Variants in DLGAP3 observed in about 807,000 individuals in gnomAD.
DLGAP3 encodes disks large-associated protein 3.
In DLGAP3, 17 loss-of-function variants were observed where a neutral mutation model predicts 81.2. The observed-to-expected ratio is 0.21, with a 90% CI of 0.14 to 0.31. The LOEUF is 0.31. Among genes scored for constraint, DLGAP3 ranks in the 10% least tolerant of loss-of-function variants. DLGAP3 has a pLI of 1.00. For synonymous variants in DLGAP3, 577 were observed against 587.4 expected, an observed-to-expected ratio of 0.98 and a Z score of 0.26; for missense variants, 1,124 against 1,388.0, an observed-to-expected ratio of 0.81 and a Z score of 3.02.
At chr1:34,909,149 G>C (rs1253397076) in intron 1 of DLGAP3, among the ~76,000 whole-genome samples, 3 of 152,182 alleles carry the variant, frequency 2.0e-5, no homozygotes, top group Non-Finnish European at 4.4e-5. Flanking sequence ...ACTTCCCAGG[G>C]GTGGACATTC....
In DLGAP3 at chr1:34,869,034, C is replaced by G; in HGVS notation, c.2056G>C (p.Glu686Gln). Residue 686 changes from glutamate (E) to glutamine (Q), a missense_variant, in exon 9 of 12, where the codon GAG becomes CAG. Glu to Gln is a conservative substitution (Grantham distance 29, BLOSUM62 2). This residue lies in a region of DLGAP3 where 379 missense variants were observed against 455.7 expected (regional missense o/e 0.83). Coordinates refer to ENST00000373347, the MANE Select transcript of DLGAP3 (RefSeq NM_001080418.3). ...SVTAGVQADL[E>Q]LEGLAGLATV... ...GCCAGGCCTGCCAGGCCCTCCAGCTCCAGGTCTGCCTGCACGCCAGCCGTC... is the reference window on the plus strand; with the variant it reads ...GCCAGGCCTGCCAGGCCCTCCAGCTGCAGGTCTGCCTGCACGCCAGCCGTC... The G allele has an allele frequency of 6.2e-7, 1 of 1,601,336 alleles. No individual in the cohort carries two copies. Among genetic ancestry groups the G allele is most frequent in the Non-Finnish European group, 8.5e-7 (1 of 1,179,106 alleles).
Position 34,865,830 on chromosome 1 carries a change from G to A in DLGAP3, c.*253C>T. On this transcript the variant is annotated 3_prime_UTR_variant, in exon 12 of 12. Transcript: ENST00000373347. ...GGGGAGGAGGTGGGGACAAAGCGTC[G>A]GACCAGGTGGGCAGGGGATCCAGGT... 1.0e-5 allele frequency: 6 copies of A among 595,770 alleles called. No individual in the cohort carries two copies. The highest frequency in any genetic ancestry group is 5.4e-5 in the South Asian group (3 of 56,056). The allele number at this position is 595,770 out of a possible 1,614,324, so 36.9% of individuals were successfully genotyped here.
chr1:34,925,293 G>C (rs562266623), intron 1 of DLGAP3: 2 of 152,628 alleles, frequency 1.3e-5, no homozygotes, highest in Non-Finnish European at 2.9e-5. Flanking sequence ...TCAGCCCAGA[G>C]CCTCTCAATG....
At chr1:34,906,155 T>C (rs1302431643) in intron 2 of DLGAP3, among the ~76,000 whole-genome samples, 2 of 150,548 alleles carry the variant, frequency 1.3e-5, no homozygotes, top group African/African-American at 2.4e-5. Flanking sequence ...TGTAAATATA[T>C]AGATATACTT....
At chr1:34,887,774 G>T (rs1399946571) in intron 5 of DLGAP3, among the ~76,000 whole-genome samples, 1 of 152,220 alleles carries the variant, frequency 6.6e-6, no homozygotes, top group African/African-American at 2.4e-5. Flanking sequence ...AATGGCCTGG[G>T]AAAGTTAAAG....
chr1:34,897,427 T>C (rs1203285241), intron 5 of DLGAP3, among the ~76,000 whole-genome samples: 2 of 152,026 alleles, frequency 1.3e-5, no homozygotes, highest in African/African-American at 2.4e-5. Flanking sequence ...AAGTGATCCA[T>C]GGGAGTGGCT....
In DLGAP3 at chr1:34,902,514, C is replaced by T. The variant is rs375514108; in HGVS notation, c.1107+1763G>A. On this transcript the variant is annotated intron_variant, in intron 3 of 11. Coordinates refer to ENST00000373347, the MANE Select transcript of DLGAP3 (RefSeq NM_001080418.3). This position sits in a 1 kb window ranked among gnomAD's most constrained non-coding sequence, Gnocchi z 4.4. The stretch of plus-strand genomic sequence containing the variant: ...CGGGAGTCCAGCAAAGACACCTGGC[C>T]TCATGGGGCCAGCCTCCCCTGCTTT... Among the ~76,000 whole-genome samples, 14 of 152,184 alleles carry T rather than the reference C, an allele frequency of 9.2e-5. No individual in the cohort carries two copies. Among genetic ancestry groups the T allele is most frequent in the Non-Finnish European group, 1.8e-4 (12 of 67,978 alleles).
At chr1:34,879,441 T>C (rs1321833592) in intron 8 of DLGAP3, among the ~76,000 whole-genome samples, 2 of 152,188 alleles carry the variant, frequency 1.3e-5, no homozygotes, top group Non-Finnish European at 2.9e-5. Flanking sequence ...CAGGCAGTAA[T>C]GCTCACTCAC....
intron 1 of DLGAP3, among the ~76,000 whole-genome samples, chr1:34,924,084 G>C (rs570331453): frequency 6.6e-6 from 1 of 152,180 alleles, no homozygotes; most frequent in Non-Finnish European, 1.5e-5. Context: ...CATCCCCCTG[G>C]GATGACAAGG....
chr1:34,886,887 G>A (rs1226904407), intron 5 of DLGAP3, among the ~76,000 whole-genome samples: 5 of 146,776 alleles, frequency 3.4e-5, no homozygotes, highest in East Asian at 3.9e-4. Context: ...AAACTAATGC[G>A]TAAGTGATGG....
intron 1 of DLGAP3, among the ~76,000 whole-genome samples, chr1:34,923,505 A>G (rs985178453): frequency 7.9e-5 from 12 of 152,204 alleles, no homozygotes; most frequent in Non-Finnish European, 1.8e-4. Flanking sequence ...ACAGTGGATC[A>G]GGAAGAGCAG....
At position 34,886,129 on chromosome 1, in the gene DLGAP3, C is replaced by T; in HGVS notation, c.1543G>A (p.Asp515Asn). 1 of 1,607,730 alleles carries T rather than the reference C, an allele frequency of 6.2e-7. No homozygotes were observed. Among genetic ancestry groups the T allele is most frequent in the South Asian group, 1.1e-5 (1 of 89,934 alleles). ...RAIQAGCSQDDDCLPLLATPA... is the reference protein window; with the variant it reads ...RAIQAGCSQDNDCLPLLATPA... ...GTAGCGAGGAGGGGCAGGCAGTCGTCGTCTTGAGAGCAGCCGGCCTGGATG... is the reference window on the plus strand; with the variant it reads ...GTAGCGAGGAGGGGCAGGCAGTCGTTGTCTTGAGAGCAGCCGGCCTGGATG... Residue 515 changes from aspartate to asparagine, a missense_variant, in exon 6 of 12, where the codon GAC becomes AAC. Asp to Asn is a conservative substitution (Grantham distance 23, BLOSUM62 1). Transcript: ENST00000373347.
rs757728939 is a variant in DLGAP3 at position 34,865,953 on chromosome 1, G to A, written c.*130C>T. On this transcript the variant is annotated 3_prime_UTR_variant, in exon 12 of 12. Coordinates refer to ENST00000373347, the MANE Select transcript of DLGAP3 (RefSeq NM_001080418.3). ...AAACCCACGAGAGTGTGACGGGCCC[G>A]GGGGCCGGGGCGTCCGGTGCCGGTG... 2.5e-6 allele frequency: 2 copies of A among 812,088 alleles called. No homozygotes were observed. Among genetic ancestry groups the A allele is most frequent in the South Asian group, 1.6e-5 (1 of 63,022 alleles). 50.3% of individuals were successfully genotyped at this position (812,088 alleles called of 1,614,324 possible).
chr1:34,906,998 G>C (rs756008970), intron 2 of DLGAP3, among the ~76,000 whole-genome samples: 2 of 152,102 alleles, frequency 1.3e-5, no homozygotes, highest in Non-Finnish European at 2.9e-5. Flanking sequence ...TGCTGACTAG[G>C]AGGGATGACA....
In DLGAP3 at chr1:34,900,084, C is replaced by T; in HGVS notation, c.1297G>A (p.Asp433Asn). ...RFTTRRSSSVDQARINCCVPP... is the reference protein window; with the variant it reads ...RFTTRRSSSVNQARINCCVPP... ...TGTCCTTACTTGATCCTGGCCTGGTCCACGCTGGAGGAGCGACGGGTGGTG... is the reference window on the plus strand; with the variant it reads ...TGTCCTTACTTGATCCTGGCCTGGTTCACGCTGGAGGAGCGACGGGTGGTG... Residue 433 changes from aspartate (D) to asparagine (N), a missense_variant, in exon 4 of 12, where the codon GAC becomes AAC. Physicochemically the swap from Asp to Asn is conservative, Grantham distance 23 (BLOSUM62 1). Transcript: ENST00000373347. This position sits in a 1 kb window ranked among gnomAD's most constrained non-coding sequence, Gnocchi z 5.6. 1 of 1,613,480 alleles carries T rather than the reference C, an allele frequency of 6.2e-7. No individual in the cohort carries two copies. The highest frequency in any genetic ancestry group is 8.5e-7 in the Non-Finnish European group (1 of 1,180,000).
At chr1:34,891,844 A>G (rs1639315688) in intron 5 of DLGAP3, among the ~76,000 whole-genome samples, 1 of 152,270 alleles carries the variant, frequency 6.6e-6, no homozygotes, top group South Asian at 2.1e-4. Context: ...TGGAAACATC[A>G]GAGGCCACAT....
chr1:34,920,197 C>T (rs567291973), intron 1 of DLGAP3, among the ~76,000 whole-genome samples: 1 of 152,330 alleles, frequency 6.6e-6, no homozygotes, highest in African/African-American at 2.4e-5. Flanking sequence ...GTCTGTGGCT[C>T]TGACCTCCTA....
chr1:34,886,148 C>T lies in DLGAP3; in HGVS notation c.1524G>A (p.Gln508=), dbSNP rs1639224483. 6.2e-7 allele frequency: 1 copy of T among 1,609,436 alleles called. No homozygotes were observed. Among genetic ancestry groups the T allele is most frequent in the Non-Finnish European group, 8.5e-7 (1 of 1,178,712 alleles). Residue 508 remains glutamine, a synonymous_variant, in exon 6 of 12, where the codon CAG becomes CAA. Transcript: ENST00000373347. ...AGTCGTCGTCTTGAGAGCAGCCGGC[C>T]TGGATGGCCCGGAGGTAGCTGTGGC... ...MRSHSYLRAI[Q]AGCSQDDDCL...
Position 34,904,960 on chromosome 1 carries a change from G to T in DLGAP3, c.424C>A (p.Gln142Lys). 2 of 1,613,084 alleles carry T rather than the reference G, an allele frequency of 1.2e-6. No individual in the cohort carries two copies. Among genetic ancestry groups the T allele is most frequent in the Non-Finnish European group, 1.7e-6 (2 of 1,179,706 alleles). The part of the protein sequence containing the change: ...QQDGFHTLPY[Q>K]RGPAGAGPGP... ...GGCCCTGCCCCTGCTGGCCCTCGCT[G>T]GTATGGTAGTGTGTGGAAGCCATCT... Residue 142 changes from glutamine (Q) to lysine (K), a missense_variant, in exon 3 of 12, where the codon CAG becomes AAG. By Grantham distance (53) the Gln-to-Lys change is moderately conservative (BLOSUM62 1). This residue lies in a region of DLGAP3 where 65 missense variants were observed against 78.2 expected (regional missense o/e 0.83). Coordinates refer to ENST00000373347, the MANE Select transcript of DLGAP3 (RefSeq NM_001080418.3). This position sits in a 1 kb window ranked among gnomAD's most constrained non-coding sequence, Gnocchi z 8.1.
Sources: allele counts gnomAD v4.1 joint callset (sites outside exome capture counted in the v4.1 genomes callset), GRCh38; gene constraint gnomAD v4.1.1; regional missense constraint gnomAD v4.1.1; non-coding constraint Gnocchi (gnomAD v3.1); transcripts MANE v1.5; gene names NCBI Gene and HGNC (gene_info 2026-07-23, HGNC 2026-07-21).